The following RBFOX1 variants were observed in gnomAD, a reference collection of about 807,000 sequenced individuals.
RBFOX1 encodes RNA binding protein fox-1 homolog 1.
In RBFOX1, 8 loss-of-function variants were observed where a neutral mutation model predicts 57.7. The observed-to-expected ratio is 0.14, with a 90% CI of 0.08 to 0.25. RBFOX1 has a LOEUF of 0.25. RBFOX1 is among the 10% of genes least tolerant of loss of function. RBFOX1 has a pLI of 1.00. For missense variants in RBFOX1, 611 were observed against 548.5 expected (o/e 1.11, Z -1.14); for synonymous variants, 326 against 222.4 (o/e 1.47, Z -4.15).
rs953132167 is a variant in RBFOX1, at chr16:6,370,322, C to T, written c.-64+53265C>T. On this transcript the variant is annotated intron_variant, in intron 2 of 15. Transcript: ENST00000550418. Reference sequence around the variant, plus strand: ...GCAGTGAGCCGAGATCATGCCACTGCACTCTAGCCTGGGCGACAGATAGAG... The same window carrying T: ...GCAGTGAGCCGAGATCATGCCACTGTACTCTAGCCTGGGCGACAGATAGAG... 3.1e-5 allele frequency among the ~76,000 whole-genome samples: 4 copies of T among 129,040 alleles called. No individual in the cohort carries two copies. In the East Asian group the frequency reaches 9.8e-4, roughly 32 times the overall value. The allele number at this position is 129,040 out of a possible 152,430, so 84.7% of individuals were successfully genotyped here.
intron 4 of RBFOX1, among the ~76,000 whole-genome samples, chr16:7,203,025 A>G (rs1022731333): frequency 6.6e-6 from 1 of 152,132 alleles, no homozygotes; most frequent in Non-Finnish European, 1.5e-5. Context: ...TGACCTCGTG[A>G]TCCGCCTGCC....
chr16:7,598,367 G>T (rs2094820909), intron 9 of RBFOX1, among the ~76,000 whole-genome samples: 1 of 152,082 alleles, frequency 6.6e-6, no homozygotes, highest in Admixed American at 6.6e-5. Context: ...GTGCTGAATT[G>T]TGAGACTGGC....
intron 3 of RBFOX1, among the ~76,000 whole-genome samples, chr16:6,917,514 C>T (rs899858026): frequency 6.6e-6 from 1 of 151,694 alleles, no homozygotes; most frequent in African/African-American, 2.4e-5. Flanking sequence ...GGTAGAAACA[C>T]TCTGTCCAAA....
intron 1 of RBFOX1, among the ~76,000 whole-genome samples, chr16:6,075,816 C>G (rs61135738): frequency 0.045 from 6,808 of 152,300 alleles, 298 homozygotes; most frequent in African/African-American, 0.1. Flanking sequence ...CTGTAACTAT[C>G]TCAAATCAAG....
At chr16:7,542,181 A>G (rs1212237024) in intron 5 of RBFOX1, among the ~76,000 whole-genome samples, 1 of 152,084 alleles carries the variant, frequency 6.6e-6, no homozygotes, top group Admixed American at 6.5e-5. Flanking sequence ...CCTCAACCCT[A>G]TGGGCTACCT....
intron 1 of RBFOX1, among the ~76,000 whole-genome samples, chr16:6,104,664 C>G (rs181955390): frequency 1.5e-4 from 23 of 152,246 alleles, no homozygotes; most frequent in African/African-American, 5.3e-4. Context: ...GTCAAAATGT[C>G]CATCAACTGG....
chr16:5,320,692 C>G (rs2064377397), intron 1 of RBFOX1, among the ~76,000 whole-genome samples: 1 of 152,178 alleles, frequency 6.6e-6, no homozygotes, highest in African/African-American at 2.4e-5. Flanking sequence ...CGGGAATCTT[C>G]TTGTGTGACT....
At chr16:6,889,672 G>A (rs896973335) in intron 3 of RBFOX1, among the ~76,000 whole-genome samples, 2 of 152,164 alleles carry the variant, frequency 1.3e-5, no homozygotes, top group Non-Finnish European at 2.9e-5. Flanking sequence ...CCACCATGTA[G>A]TCCAGCACCT....
intron 3 of RBFOX1, among the ~76,000 whole-genome samples, chr16:6,673,379 G>A (rs1472521494): frequency 6.6e-6 from 1 of 152,162 alleles, no homozygotes. Context: ...CCTGAGGTCA[G>A]GAGTTTGAGA....
intron 1 of RBFOX1, among the ~76,000 whole-genome samples, chr16:6,248,363 C>A (rs967387543): frequency 1.3e-5 from 2 of 152,112 alleles, no homozygotes; most frequent in Non-Finnish European, 2.9e-5. Context: ...TATTTCACAG[C>A]CTGTCTCCCG....
At chr16:7,053,328 G>A (rs750696106) in intron 4 of RBFOX1, among the ~76,000 whole-genome samples, 6 of 152,154 alleles carry the variant, frequency 3.9e-5, no homozygotes, top group Admixed American at 6.5e-5. Flanking sequence ...GCCGACATTC[G>A]TTGTGACCCT....
intron 3 of RBFOX1, among the ~76,000 whole-genome samples, chr16:6,963,511 T>G (rs2153553933): frequency 6.6e-6 from 1 of 152,232 alleles, no homozygotes; most frequent in Admixed American, 6.6e-5. Context: ...ATCTGATTTG[T>G]TTGCAAAGGA....
chr16:6,977,769 A>C (rs1042770323), intron 3 of RBFOX1, among the ~76,000 whole-genome samples: 12 of 152,098 alleles, frequency 7.9e-5, no homozygotes, highest in Non-Finnish European at 1.6e-4. Context: ...GAAAAGAAAG[A>C]AAAAGAAAGT....
intron 4 of RBFOX1, among the ~76,000 whole-genome samples, chr16:7,066,432 C>A (rs966428116): frequency 2.6e-5 from 4 of 152,150 alleles, no homozygotes; most frequent in African/African-American, 9.7e-5. Context: ...GGGGTTAGAC[C>A]TAGCATTGAG....
At chr16:5,259,863 A>C (rs573766636) in intron 1 of RBFOX1, among the ~76,000 whole-genome samples, 1 of 152,266 alleles carries the variant, frequency 6.6e-6, no homozygotes. Flanking sequence ...CGTGGGGGCC[A>C]TTCTGACTTC....
chr16:7,344,733 C>T (rs965338783), intron 4 of RBFOX1, among the ~76,000 whole-genome samples: 1 of 152,268 alleles, frequency 6.6e-6, no homozygotes, highest in Admixed American at 6.5e-5. Flanking sequence ...ACAATTTGCC[C>T]TCATTCTTAG....
At chr16:6,769,273 G>C (rs771666004) in intron 3 of RBFOX1, among the ~76,000 whole-genome samples, 7 of 152,194 alleles carry the variant, frequency 4.6e-5, no homozygotes, top group Non-Finnish European at 7.3e-5. Flanking sequence ...GATGAGACTT[G>C]CTCCTCCTTG....
At chr16:5,412,069 T>C (rs2067036297) in intron 1 of RBFOX1, among the ~76,000 whole-genome samples, 1 of 152,164 alleles carries the variant, frequency 6.6e-6, no homozygotes, top group South Asian at 2.1e-4. Context: ...CAGAATGTCT[T>C]GCCCTCCTGA....
intron 3 of RBFOX1, among the ~76,000 whole-genome samples, chr16:6,919,271 A>C (rs2073939885): frequency 6.6e-6 from 1 of 152,112 alleles, no homozygotes; most frequent in Non-Finnish European, 1.5e-5. Context: ...TACAGGTGTG[A>C]GCCATGGCGC....
Sources: gnomAD v4.1 joint callset for allele counts (sites outside exome capture counted in the v4.1 genomes callset) on GRCh38, gnomAD v4.1.1 for gene constraint, MANE v1.5 for transcripts, NCBI Gene and HGNC (gene_info 2026-07-23, HGNC 2026-07-21) for gene names.